Variants in SCYL1 observed in about 807,000 individuals in gnomAD.
The protein encoded by SCYL1 is SCY1 like pseudokinase 1, also known as N-terminal kinase-like protein.
In SCYL1, 85 loss-of-function variants were observed where a neutral mutation model predicts 94.8. That is an observed-to-expected ratio of 0.90 (90% CI 0.75 to 1.07). The LOEUF is 1.07. Ranked by LOEUF, SCYL1 falls within the 50% of genes least tolerant of loss-of-function variation. The pLI is 0.00. For synonymous variants in SCYL1, 459 were observed against 435.5 expected, an observed-to-expected ratio of 1.05 and a Z score of -0.67; for missense variants, 968 against 1,083.3, an observed-to-expected ratio of 0.89 and a Z score of 1.49.
At chr11:65,536,547 A>C in intron 12 of SCYL1, 39 bp from the exon 13 acceptor site, 3 of 1,609,726 alleles carry the variant, frequency 1.9e-6, no homozygotes, top group Non-Finnish European at 2.5e-6. Flanking sequence ...TGGGTGCCTG[A>C]CGTGCCCATA....
Position 65,537,956 on chromosome 11 carries a change from C to A in SCYL1, c.2032-11C>A. The A allele has an allele frequency of 6.2e-7, 1 of 1,605,350 alleles. No individual in the cohort carries two copies. On this transcript the variant is annotated splice_polypyrimidine_tract_variant and intron_variant, in intron 15 of 17. Coordinates refer to ENST00000270176, the MANE Select transcript of SCYL1 (RefSeq NM_020680.4). Reference sequence around the variant, plus strand: ...GGCCCAGGGCTACTTCCCCCTCCCGCTCTTCTACAGGTCAGCAACTCCGAC... The same window carrying A: ...GGCCCAGGGCTACTTCCCCCTCCCGATCTTCTACAGGTCAGCAACTCCGAC...
rs556715289 is a variant in SCYL1 at position 65,537,886 on chromosome 11, C to T, written c.2031+6C>T. 9 of 1,578,510 alleles carry T rather than the reference C, an allele frequency of 5.7e-6. No individual in the cohort carries two copies. Among genetic ancestry groups the T allele is most frequent in the Admixed American group, 1.9e-5 (1 of 53,654 alleles). ...AAGTGAGCCGTGCTAGTCAGGTGAG[C>T]TGGGTCTGGTGGGGAGGTGTGTGTA... On this transcript the variant is annotated splice_donor_region_variant and intron_variant, in intron 15 of 17. Transcript: ENST00000270176.
chr11:65,525,310 C>A, intron 1 of SCYL1, 46 bp downstream of exon 1: 1 of 1,319,394 alleles, frequency 7.6e-7, no homozygotes, highest in Non-Finnish European at 1.0e-6. Flanking sequence ...CTGGGCCTTG[C>A]CTATTCCGCG....
At chr11:65,534,274 T>C (rs181270917) in intron 9 of SCYL1, among the ~76,000 whole-genome samples, 1 of 151,882 alleles carries the variant, frequency 6.6e-6, no homozygotes, top group Non-Finnish European at 1.5e-5. Flanking sequence ...TAGCCAGGCA[T>C]GGTGGTGGGC....
At position 65,532,718 on chromosome 11, in the gene SCYL1, C is replaced by G; in HGVS notation, c.1143C>G (p.Asp381Glu). The G allele has an allele frequency of 6.2e-7, 1 of 1,614,062 alleles. No homozygotes were observed. The highest frequency in any genetic ancestry group is 8.5e-7 in the Non-Finnish European group (1 of 1,179,904). ...QQMEQFIQYL[D>E]EPTVNTQIFP... ...TGGAGCAGTTCATCCAGTACCTTGA[C>G]GAGCCAACAGTCAACACCCAGATCT... Residue 381 changes from aspartate (D) to glutamate (E), a missense_variant, in exon 9 of 18, where the codon GAC (aspartate) becomes GAG (glutamate). By Grantham distance (45) the Asp-to-Glu change is conservative. Transcript: ENST00000270176.
At position 65,526,000 on chromosome 11, in the gene SCYL1, G is replaced by A; in HGVS notation, c.332G>A (p.Gly111Asp). The change falls in exon 3 of 18, where the codon GGC (glycine) becomes GAC (aspartate). Residue 111 changes from glycine (G) to aspartate (D), a missense_variant. Physicochemically the swap from Gly to Asp is moderately conservative, Grantham distance 94. This residue lies in a region of SCYL1 where 494 missense variants were observed against 619.7 expected (regional missense o/e 0.80). Transcript: ENST00000270176. ...IYLKARVEAG[G>D]LKELEISWGL... ...CTCAAGGCGAGAGTGGAGGCTGGTG[G>A]CCTGAAGGAGCTGGAGATCTCCTGG... The A allele has an allele frequency of 6.2e-7, 1 of 1,613,324 alleles. No individual in the cohort carries two copies. The highest frequency in any genetic ancestry group is 1.1e-5 in the South Asian group (1 of 91,074).
chr11:65,533,148 A>G (rs11605810), intron 9 of SCYL1: 17,912 of 269,322 alleles, frequency 0.067, 743 homozygotes, highest in South Asian at 0.13. Flanking sequence ...TTGGCTGGTC[A>G]CGGTGGCTCA....
At chr11:65,525,815 C>A in intron 2 of SCYL1, 101 bp downstream of exon 2, 1 of 1,579,090 alleles carries the variant, frequency 6.3e-7, no homozygotes, top group Middle Eastern at 1.7e-4. Flanking sequence ...TGCCCCAGCA[C>A]CCCCAGATTT....
intron 9 of SCYL1, among the ~76,000 whole-genome samples, chr11:65,533,983 CTT>C (rs1256992535): frequency 6.6e-6 from 1 of 152,108 alleles, no homozygotes; most frequent in African/African-American, 2.4e-5. Flanking sequence ...TAATCCCAGA[CTT>C]TGGGAGGCTG....
chr11:65,534,356 G>GC (rs1855541421), intron 9 of SCYL1, among the ~76,000 whole-genome samples: 1 of 152,186 alleles, frequency 6.6e-6, no homozygotes. Flanking sequence ...AGGTTGCAGT[G>GC]AGTAGAGATC....
rs1456190199 is a variant in SCYL1, at chr11:65,536,088, C to A, written c.1522C>A (p.Leu508Met). ...AATGAACGACTGTGCCCAGAAGATC[C>A]TGCCTGTGCTCTGCGGTCTCACTGT... ...YSMNDCAQKI[L>M]PVLCGLTVDP... The change falls in exon 11 of 18, where the codon CTG becomes ATG. Residue 508 changes from leucine (L) to methionine (M), a missense_variant. Leu to Met is a conservative substitution (Grantham distance 15). Transcript: ENST00000270176. The A allele has an allele frequency of 6.2e-7, 1 of 1,614,222 alleles. No individual in the cohort carries two copies. The highest frequency in any genetic ancestry group is 1.7e-5 in the Admixed American group (1 of 60,020).
chr11:65,536,753 G>C lies in SCYL1; in HGVS notation c.1816+3G>C. ...TCCCCAAAGACCCACGCCTGAAGGT[G>C]AGTGTCCTGGCCTAGCTGCATCAGT... On this transcript the variant is annotated splice_donor_region_variant and intron_variant, in intron 13 of 17. Transcript: ENST00000270176. 6.3e-7 allele frequency: 1 copy of C among 1,595,888 alleles called. No homozygotes were observed.
chr11:65,538,619 T>C lies in SCYL1; in HGVS notation c.*53T>C. 1 of 1,579,670 alleles carries C rather than the reference T, an allele frequency of 6.3e-7. No homozygotes were observed. ...GGAGAGCCCGCCCCACAGATGTATT[T>C]ATTGTACAAACCATGTGAGCCCGGC... On this transcript the variant is annotated 3_prime_UTR_variant, in exon 18 of 18. Transcript: ENST00000270176.
rs1855617307 is a variant in SCYL1 at position 65,535,993 on chromosome 11, C to T, written c.1427C>T (p.Thr476Ile). Residue 476 changes from threonine to isoleucine, a missense_variant, in exon 11 of 18, where the codon ACT (threonine) becomes ATT (isoleucine). By Grantham distance (89) the Thr-to-Ile change is moderately conservative. This residue lies in a region of SCYL1 where 474 missense variants were observed against 463.6 expected (regional missense o/e 1.02). Transcript: ENST00000270176. ...CTTACCTCTGCCTTCAGCCGAGCCACTAGGGACCCGTTTGCACCGTCCCGG... is the reference window on the plus strand; with the variant it reads ...CTTACCTCTGCCTTCAGCCGAGCCATTAGGGACCCGTTTGCACCGTCCCGG... ...RVLTSAFSRATRDPFAPSRVA... is the reference protein window; with the variant it reads ...RVLTSAFSRAIRDPFAPSRVA... 1 of 1,612,000 alleles carries T rather than the reference C, an allele frequency of 6.2e-7. No individual in the cohort carries two copies. Among genetic ancestry groups the T allele is most frequent in the Non-Finnish European group, 8.5e-7 (1 of 1,178,956 alleles).
In SCYL1 at chr11:65,526,148, G is replaced by T; in HGVS notation, c.400G>T (p.Asp134Tyr). ...GAAAGCCCTCAGCTTCCTGGTCAAC[G>T]ACTGCAGCCTCATCCACAACAATGT... ...IVKALSFLVN[D>Y]CSLIHNNVCM... The change falls in exon 4 of 18, where the codon GAC (aspartate) becomes TAC (tyrosine). Residue 134 changes from aspartate to tyrosine, a missense_variant. Transcript: ENST00000270176. This position sits in a 1 kb window ranked among gnomAD's most constrained non-coding sequence, Gnocchi z 4.1. 6.2e-7 allele frequency: 1 copy of T among 1,613,122 alleles called. No individual in the cohort carries two copies. Among genetic ancestry groups the T allele is most frequent in the Non-Finnish European group, 8.5e-7 (1 of 1,179,954 alleles).
chr11:65,535,946 A>G lies in SCYL1; in HGVS notation c.1387-7A>G, dbSNP rs183121933. 39 of 1,572,920 alleles carry G rather than the reference A, an allele frequency of 2.5e-5. No individual in the cohort carries two copies. The highest frequency in any genetic ancestry group is 1.5e-4 in the Admixed American group (8 of 54,014). ...ACTCAGGAGCCCTCTTTCCTGCCCCATCGTAGACCAGACACAGGGTCCTTA... is the reference window on the plus strand; with the variant it reads ...ACTCAGGAGCCCTCTTTCCTGCCCCGTCGTAGACCAGACACAGGGTCCTTA... On this transcript the variant is annotated splice_polypyrimidine_tract_variant and splice_region_variant and intron_variant, in intron 10 of 17. Coordinates refer to ENST00000270176, the MANE Select transcript of SCYL1 (RefSeq NM_020680.4).
At chr11:65,534,283 G>A (rs1173083436) in intron 9 of SCYL1, among the ~76,000 whole-genome samples, 1 of 151,976 alleles carries the variant, frequency 6.6e-6, no homozygotes, top group Non-Finnish European at 1.5e-5. Context: ...ATGGTGGTGG[G>A]CGCCTGTAAT....
At position 65,538,037 on chromosome 11, in the gene SCYL1, C is replaced by G; in HGVS notation, c.2102C>G (p.Ser701Cys). Residue 701 changes from serine (S) to cysteine (C), a missense_variant, in exon 16 of 18, where the codon TCC (serine) becomes TGC (cysteine). By Grantham distance (112) the Ser-to-Cys change is moderately radical (BLOSUM62 -1). This residue lies in a region of SCYL1 where 474 missense variants were observed against 463.6 expected (regional missense o/e 1.02). Coordinates refer to ENST00000270176, the MANE Select transcript of SCYL1 (RefSeq NM_020680.4). ...SDWSSWEAEGSWEQGWQEPSS... is the reference protein window; with the variant it reads ...SDWSSWEAEGCWEQGWQEPSS... ...TGGAGCAGCTGGGAAGCTGAGGGCT[C>G]CTGGGAACAGGGCTGGCAGGAGCCA... 6.2e-7 allele frequency: 1 copy of G among 1,612,332 alleles called. No homozygotes were observed. The highest frequency in any genetic ancestry group is 1.7e-5 in the Admixed American group (1 of 59,770).
chr11:65,536,779 G>A (rs1178334432), intron 13 of SCYL1, 29 bp downstream of exon 13: 2 of 1,564,438 alleles, frequency 1.3e-6, no homozygotes, highest in African/African-American at 2.7e-5. Context: ...CTGCATCAGT[G>A]GCTGAGAGGG....
Sources: gnomAD v4.1 joint callset for allele counts (sites outside exome capture counted in the v4.1 genomes callset) on GRCh38, gnomAD v4.1.1 for gene constraint, gnomAD v4.1.1 regional missense constraint, Gnocchi (gnomAD v3.1) non-coding constraint, MANE v1.5 for transcripts, NCBI Gene and HGNC (gene_info 2026-07-23, HGNC 2026-07-21) for gene names.